EML2: variants seen among roughly 807,000 people sequenced by gnomAD.
The protein encoded by EML2 is echinoderm microtubule-associated protein-like 2.
Under a neutral mutation model 84.7 loss-of-function variants are expected in EML2, and 59 were observed. The observed-to-expected ratio is 0.70, with a 90% CI of 0.56 to 0.86. EML2 has a LOEUF of 0.86. Ranked by LOEUF, EML2 falls within the 40% of genes least tolerant of loss-of-function variation. EML2 has a pLI of 0.00. For missense variants in EML2, 818 were observed against 855.6 expected (o/e 0.96, Z 0.55); for synonymous variants, 352 against 348.9 (o/e 1.01, Z -0.10).
chr19:45,642,166 C>A (rs1237051298), upstream of EML2: 2 of 1,521,148 alleles, frequency 1.3e-6, no homozygotes, highest in Non-Finnish European at 1.8e-6. Flanking sequence ...CGGAGGCGCC[C>A]GGCCCTTGGG....
chr19:45,637,790 T>C (rs1568487234), intron 3 of EML2, among the ~76,000 whole-genome samples: 1 of 150,874 alleles, frequency 6.6e-6, no homozygotes, highest in Non-Finnish European at 1.5e-5. Context: ...GATTCTCCTG[T>C]CTCAGTCTCC....
chr19:45,617,017 G>A (rs529933286), intron 13 of EML2, among the ~76,000 whole-genome samples, 164 bp from the exon 14 acceptor site: 1 of 152,250 alleles, frequency 6.6e-6, no homozygotes, highest in African/African-American at 2.4e-5. Context: ...AGGCCGAGGC[G>A]GGTGGATCAC....
At chr19:45,626,340 T>C (rs1012603712) in intron 8 of EML2, among the ~76,000 whole-genome samples, 1 of 150,368 alleles carries the variant, frequency 6.7e-6, no homozygotes, top group African/African-American at 2.5e-5. Context: ...TACTATCTGC[T>C]AGGAACTGCT....
Position 45,638,648 on chromosome 19 carries a change from C to A in EML2, c.50-14G>T, listed in dbSNP as rs376153622. 1.9e-6 allele frequency: 3 copies of A among 1,612,936 alleles called. No homozygotes were observed. Among genetic ancestry groups the A allele is most frequent in the South Asian group, 2.2e-5 (2 of 91,056 alleles). ...CGGAGCCATCCTCTGCCAGGACACC[C>A]CCAGAGGTCAGGCACTGACACCAGC... On this transcript the variant is annotated splice_polypyrimidine_tract_variant and intron_variant, in intron 2 of 18. Coordinates refer to ENST00000245925, the MANE Select transcript of EML2 (RefSeq NM_012155.4).
In EML2 at chr19:45,624,798, A is replaced by G; in HGVS notation, c.762T>C (p.Tyr254=). 1 of 1,613,370 alleles carries G rather than the reference A, an allele frequency of 6.2e-7. No homozygotes were observed. Among genetic ancestry groups the G allele is most frequent in the Admixed American group, 1.7e-5 (1 of 59,890 alleles). ...CTTCCAAAAAGGTCACACACAGCACATACTTCGGTTTCTCATGTTTCTAAG... is the reference window on the plus strand; with the variant it reads ...CTTCCAAAAAGGTCACACACAGCACGTACTTCGGTTTCTCATGTTTCTAAG... ...GLFEKHEKPK[Y]VLCVTFLEGG... Residue 254 remains tyrosine, a synonymous_variant, in exon 9 of 19, where the codon TAT becomes TAC. Coordinates refer to ENST00000245925, the MANE Select transcript of EML2 (RefSeq NM_012155.4).
Position 45,633,106 on chromosome 19 carries a change from G to A in EML2, c.363C>T (p.Ala121=), listed in dbSNP as rs1374941014. The A allele has an allele frequency of 3.1e-6, 5 of 1,601,736 alleles. No individual in the cohort carries two copies. The highest frequency in any genetic ancestry group is 4.3e-6 in the Non-Finnish European group (5 of 1,174,678). The change falls in exon 5 of 19, where the codon GCC becomes GCT. Residue 121 remains alanine, a synonymous_variant. Transcript: ENST00000245925. ...TAGTGGTTCCCGCCACCTGTCCCGT[G>A]GCGATGGTGACCATATCTGGGTGGA... is the stretch of plus-strand genomic sequence containing the variant. The part of the protein sequence containing the change: ...LAIHPDMVTI[A]TGQVAGTTKE...
At chr19:45,639,097 C>T in intron 1 of EML2, 1 of 707,782 alleles carries the variant, frequency 1.4e-6, no homozygotes, top group Non-Finnish European at 2.5e-6. Flanking sequence ...GATCACACAG[C>T]ACGAAGTGGC....
chr19:45,626,034 G>C (rs1207086268), intron 8 of EML2, among the ~76,000 whole-genome samples: 3 of 152,032 alleles, frequency 2.0e-5, no homozygotes, highest in African/African-American at 4.8e-5. Flanking sequence ...GCACCACCAT[G>C]CCTGGCTAAT....
rs760477909 is a variant in EML2 at position 45,615,851 on chromosome 19, C to T, written c.1548G>A (p.Gln516=). 1.2e-6 allele frequency: 2 copies of T among 1,613,854 alleles called. No homozygotes were observed. Among genetic ancestry groups the T allele is most frequent in the African/African-American group, 2.7e-5 (2 of 74,892 alleles). ...AGTTGGTGACAAAGCAGCTGCTGTC[C>T]TGGGCCCAATCCAGGTGGGTGATAA... ...SSFITHLDWA[Q]DSSCFVTNSG... is the part of the protein sequence containing the mutation. Residue 516 remains glutamine, a synonymous_variant, in exon 16 of 19, where the codon CAG becomes CAA. Coordinates refer to ENST00000245925, the MANE Select transcript of EML2 (RefSeq NM_012155.4).
chr19:45,616,051 C>A, intron 15 of EML2, 162 bp from the exon 16 acceptor site: 1 of 635,136 alleles, frequency 1.6e-6, no homozygotes, highest in Admixed American at 2.4e-5. Context: ...GGGGGCAGGG[C>A]CAGAATACTG....
At chr19:45,620,639 CAG>C (rs1971571638) in intron 11 of EML2, among the ~76,000 whole-genome samples, 1 of 147,030 alleles carries the variant, frequency 6.8e-6, no homozygotes, top group South Asian at 2.1e-4. Flanking sequence ...AAGCGGGAGG[CAG>C]AGTTTGCAAT....
chr19:45,645,145 C>T, upstream of EML2: 1 of 1,107,462 alleles, frequency 9.0e-7, no homozygotes, highest in Non-Finnish European at 1.3e-6. Flanking sequence ...CAGGGTCCTG[C>T]TGAGGGAGAG....
At chr19:45,645,577 G>C, upstream of EML2, 1 of 842,242 alleles carries the variant, frequency 1.2e-6, no homozygotes, top group Non-Finnish European at 1.7e-6. Context: ...GCCAGGATTG[G>C]CTGCGCCCGG....
chr19:45,616,513 A>C lies in EML2; in HGVS notation c.1457T>G (p.Val486Gly), dbSNP rs1377901169. Residue 486 changes from valine (V) to glycine (G), a missense_variant, in exon 15 of 19, where the codon GTG becomes GGG. Physicochemically the swap from Val to Gly is moderately radical, Grantham distance 109. Transcript: ENST00000245925. Reference sequence around the variant, plus strand: ...GCGGCCGCCCTGGTCCACCGTGTACACGTACACCAAGTTGTCGTGGGAGCC... The same window carrying C: ...GCGGCCGCCCTGGTCCACCGTGTACCCGTACACCAAGTTGTCGTGGGAGCC... Reference protein sequence around the residue: ...AVGSHDNLVYVYTVDQGGRKV... With the variant: ...AVGSHDNLVYGYTVDQGGRKV... The C allele has an allele frequency of 6.2e-7, 1 of 1,610,220 alleles. No individual in the cohort carries two copies. The highest frequency in any genetic ancestry group is 1.3e-5 in the African/African-American group (1 of 74,770).
rs566977493 is a variant in EML2 at position 45,628,360 on chromosome 19, T to G, written c.607-1521A>C. Among the ~76,000 whole-genome samples the G allele has an allele frequency of 1.1e-3, 151 of 138,946 alleles. 2 individuals carry two copies. The highest frequency in any genetic ancestry group is 3.8e-3 in the African/African-American group (140 of 36,892). The allele number at this position is 138,946 out of a possible 152,430, so 91.2% of individuals were successfully genotyped here. Reference sequence around the variant, plus strand: ...TCCAGCCTGGGTGACAGGGCGAGACTCCATCTCAAATAGAAAAAAAAAAAG... The same window carrying G: ...TCCAGCCTGGGTGACAGGGCGAGACGCCATCTCAAATAGAAAAAAAAAAAG... On this transcript the variant is annotated intron_variant, in intron 7 of 18. Coordinates refer to ENST00000245925, the MANE Select transcript of EML2 (RefSeq NM_012155.4).
chr19:45,638,460 T>C (rs1974032078), intron 3 of EML2, 45 bp downstream of exon 3: 1 of 1,612,802 alleles, frequency 6.2e-7, no homozygotes. Context: ...TTCTATTTCC[T>C]CCTGGGGGGA....
At chr19:45,640,032 G>T (rs1974273571), upstream of EML2, 1 of 152,162 alleles carries the variant, frequency 6.6e-6, no homozygotes, top group African/African-American at 2.4e-5. Flanking sequence ...ACACCTCCCG[G>T]GGGTAGTTGC....
At chr19:45,644,930 G>C (rs188779769), upstream of EML2, 9 of 439,514 alleles carry the variant, frequency 2.0e-5, no homozygotes, top group Admixed American at 8.2e-5. Context: ...AGATAGGGGA[G>C]CATTCCAGAA....
intron 11 of EML2, among the ~76,000 whole-genome samples, chr19:45,620,620 A>T (rs1416537561): frequency 6.6e-6 from 1 of 151,710 alleles, no homozygotes; most frequent in Non-Finnish European, 1.5e-5. Flanking sequence ...GAGGCAGGAG[A>T]ATCACTTGAA....
Sources: gnomAD v4.1 joint callset for allele counts (sites outside exome capture counted in the v4.1 genomes callset) on GRCh38, gnomAD v4.1.1 for gene constraint, MANE v1.5 for transcripts, NCBI Gene and HGNC (gene_info 2026-07-23, HGNC 2026-07-21) for gene names.